The following NAIF1 variants were observed in gnomAD, a reference collection of about 807,000 sequenced individuals.
The protein encoded by NAIF1 is nuclear apoptosis inducing factor 1.
In NAIF1, 14 loss-of-function variants were observed where a neutral mutation model predicts 20.7. The observed-to-expected ratio is 0.67, with a 90% confidence interval of 0.45 to 1.05. The LOEUF is 1.05. Ranked by LOEUF, NAIF1 falls within the 50% of genes least tolerant of loss-of-function variation. The pLI, the probability that NAIF1 is intolerant of heterozygous loss-of-function variation, is 0.00. For synonymous variants in NAIF1, 191 were observed against 191.4 expected (o/e 1.00, Z 0.02); for missense variants, 362 against 448.8 (o/e 0.81, Z 1.75).
Position 128,066,724 on chromosome 9 carries a change from G to T in NAIF1, c.378C>A (p.Thr126=). ...GGPAVAPVLL[T]PMQQRICNLL... ...GGTTGCAGATACGTTGTTGCATGGG[G>T]GTCAGCAGCACTGGGGCTACAGCTG... The change falls in exon 1 of 2, where the codon ACC becomes ACA. Residue 126 remains threonine, a synonymous_variant. Coordinates refer to ENST00000373078, the MANE Select transcript of NAIF1 (RefSeq NM_197956.4). 2 of 1,612,164 alleles carry T rather than the reference G, an allele frequency of 1.2e-6. No individual in the cohort carries two copies. Among genetic ancestry groups the T allele is most frequent in the Non-Finnish European group, 8.5e-7 (1 of 1,179,198 alleles).
rs530218882 is a variant in NAIF1, at chr9:128,061,910, C to G, written c.*1518G>C. 1.3e-5 allele frequency: 2 copies of G among 152,336 alleles called. No homozygotes were observed. The highest frequency in any genetic ancestry group is 4.1e-4 in the South Asian group (2 of 4,832). 9.4% of individuals were successfully genotyped at this position (152,336 alleles called of 1,614,324 possible). A position where few individuals can be genotyped will look rare whatever the true frequency, so the allele number is the denominator to read the frequency against. On this transcript the variant is annotated 3_prime_UTR_variant, in exon 2 of 2. Coordinates refer to ENST00000373078, the MANE Select transcript of NAIF1 (RefSeq NM_197956.4). ...GAAAGTGTAAAGATGGAACAGGGAA[C>G]AGCACCTCCTTCAGCACTCCAAGGC... is the stretch of plus-strand genomic sequence containing the variant.
rs1356402414 is a variant in NAIF1, at chr9:128,063,497, A to G, written c.915T>C (p.Ala305=). The G allele has an allele frequency of 1.7e-5, 27 of 1,609,786 alleles. No homozygotes were observed. Among genetic ancestry groups the G allele is most frequent in the Non-Finnish European group, 2.2e-5 (26 of 1,180,022 alleles). The change falls in exon 2 of 2, where the codon GCT becomes GCC. Residue 305 remains alanine, a synonymous_variant. Transcript: ENST00000373078. This position sits in a 1 kb window ranked among gnomAD's most constrained non-coding sequence, Gnocchi z 4.3. The part of the protein sequence containing the change: ...DFRRYLQSNT[A]NPAPASDPGQ... ...CAGGGTCAGAGGCGGGGGCCGGGTTAGCTGTGTTGCTCTGCAGGTAGCGGC... is the reference window on the plus strand; with the variant it reads ...CAGGGTCAGAGGCGGGGGCCGGGTTGGCTGTGTTGCTCTGCAGGTAGCGGC...
In NAIF1 at chr9:128,064,006, A is replaced by G. The variant is rs1390699289; in HGVS notation, c.512-106T>C. The G allele has an allele frequency of 1.4e-5, 13 of 905,322 alleles. No individual in the cohort carries two copies. The East Asian group carries it at 3.2e-4, about 22-fold the overall frequency. 56.1% of individuals were successfully genotyped at this position (905,322 alleles called of 1,614,324 possible). A position where few individuals can be genotyped will look rare whatever the true frequency, so the allele number is the denominator to read the frequency against. On this transcript the variant is annotated intron_variant, in intron 1 of 1. Coordinates refer to ENST00000373078, the MANE Select transcript of NAIF1 (RefSeq NM_197956.4). ...CCATAAAGTCCTGTCCTGGAGGGAC[A>G]TAAAGGGGAATCCAGGCCTCCCCTG...
At chr9:128,064,617 T>A (rs1832757769) in intron 1 of NAIF1, among the ~76,000 whole-genome samples, 1 of 152,078 alleles carries the variant, frequency 6.6e-6, no homozygotes. Context: ...GTCACAGAGC[T>A]CATTCAGCAG....
intron 1 of NAIF1, 138 bp from the exon 2 acceptor site, chr9:128,064,038 T>C (rs376326820): frequency 1.6e-6 from 1 of 634,294 alleles, no homozygotes; most frequent in Non-Finnish European, 2.7e-6. Context: ...CCTGGCTGCA[T>C]AGCTATTCAC....
chr9:128,065,110 CTT>C (rs531413208), intron 1 of NAIF1, among the ~76,000 whole-genome samples: 6 of 130,388 alleles, frequency 4.6e-5, no homozygotes, highest in Admixed American at 7.9e-5. Flanking sequence ...ATGCTTTCTG[CTT>C]TTTTTTTTTT....
In NAIF1 at chr9:128,066,784, C is replaced by T; in HGVS notation, c.318G>A (p.Gly106=). Residue 106 remains glycine, a synonymous_variant, in exon 1 of 2, where the codon GGG becomes GGA. Coordinates refer to ENST00000373078, the MANE Select transcript of NAIF1 (RefSeq NM_197956.4). Reference sequence around the variant, plus strand: ...CACCACTGCCACCGCCTGTCCCAGGCCCCCCAGCTCCGTCCTCCTCAGTGG... The same window carrying T: ...CACCACTGCCACCGCCTGTCCCAGGTCCCCCAGCTCCGTCCTCCTCAGTGG... The part of the protein sequence containing the change: ...PGPTEEDGAG[G]PGTGGGSGGG... The T allele has an allele frequency of 1.2e-6, 2 of 1,605,140 alleles. No individual in the cohort carries two copies. Among genetic ancestry groups the T allele is most frequent in the Non-Finnish European group, 1.7e-6 (2 of 1,173,652 alleles).
chr9:128,066,963 C>T lies in NAIF1; in HGVS notation c.139G>A (p.Ala47Thr). The part of the protein sequence containing the change: ...AGVPLAAKSA[A>T]WHGILRRVNA... ...ACCCTTCTCAGGATGCCGTGCCAGGCCGCACTCTTGGCGGCCAGGGGTACC... is the reference window on the plus strand; with the variant it reads ...ACCCTTCTCAGGATGCCGTGCCAGGTCGCACTCTTGGCGGCCAGGGGTACC... Residue 47 changes from alanine to threonine, a missense_variant, in exon 1 of 2, where the codon GCC (alanine) becomes ACC (threonine). This residue lies in a region of NAIF1 where 51 missense variants were observed against 68.7 expected (regional missense o/e 0.74). Transcript: ENST00000373078. 1 of 1,613,250 alleles carries T rather than the reference C, an allele frequency of 6.2e-7. No individual in the cohort carries two copies. Among genetic ancestry groups the T allele is most frequent in the Non-Finnish European group, 8.5e-7 (1 of 1,179,996 alleles).
rs775755828 is a variant in NAIF1, at chr9:128,063,750, C to T, written c.662G>A (p.Arg221His). 13 of 1,614,028 alleles carry T rather than the reference C, an allele frequency of 8.1e-6. No homozygotes were observed. The highest frequency in any genetic ancestry group is 4.5e-5 in the East Asian group (2 of 44,900). The change falls in exon 2 of 2, where the codon CGC becomes CAC. Residue 221 changes from arginine to histidine, a missense_variant. By Grantham distance (29) the Arg-to-His change is conservative. This residue lies in a region of NAIF1 where 300 missense variants were observed against 342.7 expected (regional missense o/e 0.88). Coordinates refer to ENST00000373078, the MANE Select transcript of NAIF1 (RefSeq NM_197956.4). This position sits in a 1 kb window ranked among gnomAD's most constrained non-coding sequence, Gnocchi z 4.3. ...CAGCTTGGCGGAGTTGAGAGCAATG[C>T]GGCTCTTGAGCGCTTGCGGCTTGAC... is the stretch of plus-strand genomic sequence containing the variant. The part of the protein sequence containing the change: ...TSVKPQALKS[R>H]IALNSAKLIQ...
intron 1 of NAIF1, among the ~76,000 whole-genome samples, chr9:128,064,595 T>C (rs1348987246): frequency 6.6e-6 from 1 of 152,218 alleles, no homozygotes; most frequent in Non-Finnish European, 1.5e-5. Flanking sequence ...AAATGTAGAA[T>C]GACTTGCTAA....
At chr9:128,065,125 T>TC (rs1158167318) in intron 1 of NAIF1, among the ~76,000 whole-genome samples, 1 of 151,196 alleles carries the variant, frequency 6.6e-6, no homozygotes, top group Non-Finnish European at 1.5e-5. Flanking sequence ...TTTTTTTTTT[T>TC]TGAGACGGAG....
intron 1 of NAIF1, chr9:128,066,257 G>T: frequency 3.4e-6 from 1 of 297,578 alleles, no homozygotes; most frequent in Non-Finnish European, 6.2e-6. Context: ...TCTACTACAA[G>T]CCGGGCCCTG....
At position 128,063,538 on chromosome 9, in the gene NAIF1, T is replaced by C. The variant is rs779414912; in HGVS notation, c.874A>G (p.Met292Val). 23 of 1,610,558 alleles carry C rather than the reference T, an allele frequency of 1.4e-5. No individual in the cohort carries two copies. The highest frequency in any genetic ancestry group is 1.1e-4 in the East Asian group (5 of 44,890). The change falls in exon 2 of 2, where the codon ATG becomes GTG. Residue 292 changes from methionine (M) to valine (V), a missense_variant. Around this residue, in one of 3 missense-constraint regions of NAIF1, gnomAD observed 300 missense variants for 342.7 expected, o/e 0.88. Transcript: ENST00000373078. The surrounding 1 kb of genome is among the most constrained non-coding windows in gnomAD (Gnocchi z 4.3). ...LSVLIQVLRP[M>V]IKDFRRYLQS... ...AGGTAGCGGCGGAAATCTTTGATCATAGGCCGGAGGACCTGGATGAGGACG... is the reference window on the plus strand; with the variant it reads ...AGGTAGCGGCGGAAATCTTTGATCACAGGCCGGAGGACCTGGATGAGGACG...
At chr9:128,064,379 G>A (rs917919670) in intron 1 of NAIF1, among the ~76,000 whole-genome samples, 3 of 152,086 alleles carry the variant, frequency 2.0e-5, no homozygotes, top group African/African-American at 4.8e-5. Flanking sequence ...CCTGGCCGGG[G>A]TTCAGAATCT....
rs1479737056 is a variant in NAIF1, at chr9:128,063,861, A to G, written c.551T>C (p.Val184Ala). ...ETTYHTLEEG[V>A]VEYCTAEAPP... ...CGCCTCAGCCGTGCAGTACTCCACC[A>G]CGCCCTCCTCCAGCGTGTGATAGGT... Residue 184 changes from valine (V) to alanine (A), a missense_variant, in exon 2 of 2, where the codon GTG becomes GCG. By Grantham distance (64) the Val-to-Ala change is moderately conservative. Coordinates refer to ENST00000373078, the MANE Select transcript of NAIF1 (RefSeq NM_197956.4). The surrounding 1 kb of genome is among the most constrained non-coding windows in gnomAD (Gnocchi z 4.3). The G allele has an allele frequency of 6.2e-7, 1 of 1,609,878 alleles. No individual in the cohort carries two copies. Among genetic ancestry groups the G allele is most frequent in the Admixed American group, 1.7e-5 (1 of 59,986 alleles).
intron 1 of NAIF1, among the ~76,000 whole-genome samples, chr9:128,065,845 C>T (rs964053714): frequency 2.8e-4 from 42 of 152,160 alleles, no homozygotes; most frequent in African/African-American, 9.2e-4. Flanking sequence ...TGGGCCTCCG[C>T]GCATGTGGGA....
chr9:128,066,520 C>T (rs1336773822), intron 1 of NAIF1, 71 bp downstream of exon 1: 1 of 1,451,596 alleles, frequency 6.9e-7, no homozygotes, highest in South Asian at 1.6e-5. Context: ...AGCCAACCTT[C>T]CCCAGGCCAC....
chr9:128,065,050 G>A (rs1025135420), intron 1 of NAIF1, among the ~76,000 whole-genome samples: 2 of 151,618 alleles, frequency 1.3e-5, no homozygotes, highest in Non-Finnish European at 2.9e-5. Context: ...GGCATCTTGG[G>A]TGGGACTCTA....
rs779047603 is a variant in NAIF1, at chr9:128,063,903, G to A, written c.512-3C>T. The A allele has an allele frequency of 1.9e-6, 3 of 1,600,696 alleles. No individual in the cohort carries two copies. Among genetic ancestry groups the A allele is most frequent in the Admixed American group, 1.7e-5 (1 of 59,964 alleles). Reference sequence around the variant, plus strand: ...GTGATAGGTGGTCTCTGTGGGGACTGCACAGTAGAAAGAACAGAGGCCAAG... The same window carrying A: ...GTGATAGGTGGTCTCTGTGGGGACTACACAGTAGAAAGAACAGAGGCCAAG... On this transcript the variant is annotated splice_region_variant and splice_polypyrimidine_tract_variant and intron_variant, in intron 1 of 1. Transcript: ENST00000373078. The surrounding 1 kb of genome is among the most constrained non-coding windows in gnomAD (Gnocchi z 4.3).
Sources: gnomAD v4.1 joint callset for allele counts (sites outside exome capture counted in the v4.1 genomes callset) on GRCh38, gnomAD v4.1.1 for gene constraint, gnomAD v4.1.1 regional missense constraint, Gnocchi (gnomAD v3.1) non-coding constraint, MANE v1.5 for transcripts, NCBI Gene and HGNC (gene_info 2026-07-23, HGNC 2026-07-21) for gene names.